The following SOX6 variants were observed in gnomAD, a reference collection of about 807,000 sequenced individuals.
The protein encoded by SOX6 is transcription factor SOX-6.
SOX6 carries 11 observed loss-of-function variants against 97.8 expected under a neutral mutation model. The observed-to-expected ratio is 0.11, with a 90% confidence interval of 0.07 to 0.19. The LOEUF (loss-of-function observed/expected upper bound fraction) is 0.19, where lower values mean the gene tolerates loss of function less well. Ranked by LOEUF, SOX6 falls within the 10% of genes least tolerant of loss-of-function variation. SOX6 has a pLI of 1.00. For synonymous variants in SOX6, 360 were observed against 371.4 expected (o/e 0.97, Z 0.35); for missense variants, 810 against 1,039.5 (o/e 0.78, Z 3.04).
intron 1 of SOX6, among the ~76,000 whole-genome samples, chr11:16,463,609 G>A (rs1156797876): frequency 6.6e-6 from 1 of 152,024 alleles, no homozygotes; most frequent in African/African-American, 2.4e-5. Flanking sequence ...ACTGTTTTTT[G>A]GTTAACTTCT....
chr11:16,630,480 A>T (rs1454903113), intron 3 of SOX6, among the ~76,000 whole-genome samples: 2 of 150,766 alleles, frequency 1.3e-5, no homozygotes, highest in Non-Finnish European at 3.0e-5. Flanking sequence ...GATTTTTTTT[A>T]ATTTATTGAG....
At chr11:16,412,459 A>C (rs1021835727) in intron 1 of SOX6, among the ~76,000 whole-genome samples, 1 of 152,184 alleles carries the variant, frequency 6.6e-6, no homozygotes, top group Admixed American at 6.5e-5. Context: ...ACCAACTCAA[A>C]GTAGCTTTTT....
At chr11:16,426,390 T>G (rs2133070511) in intron 1 of SOX6, among the ~76,000 whole-genome samples, 2 of 148,788 alleles carry the variant, frequency 1.3e-5, no homozygotes, top group African/African-American at 5.0e-5. Context: ...AGTATCATGC[T>G]ACCCATCTTC....
intron 7 of SOX6, among the ~76,000 whole-genome samples, chr11:16,103,264 A>G (rs1169409478): frequency 6.6e-6 from 1 of 152,018 alleles, no homozygotes; most frequent in Non-Finnish European, 1.5e-5. Context: ...CAATGATCAT[A>G]TAAAAAAAAG....
At chr11:16,738,176 C>A (rs1215874265) in intron 1 of SOX6, among the ~76,000 whole-genome samples, 1 of 152,016 alleles carries the variant, frequency 6.6e-6, no homozygotes, top group African/African-American at 2.4e-5. Flanking sequence ...GCAGCATCAC[C>A]GACCACCTAG....
chr11:16,247,147 G>A (rs1217762379), intron 3 of SOX6, among the ~76,000 whole-genome samples: 1 of 152,150 alleles, frequency 6.6e-6, no homozygotes, highest in Non-Finnish European at 1.5e-5. Flanking sequence ...ACATATGAGT[G>A]AGAATATGTC....
chr11:16,418,497 A>C lies in SOX6; in HGVS notation c.-5+57818T>G, dbSNP rs1344965530. Among the ~76,000 whole-genome samples, 3 of 152,194 alleles carry C rather than the reference A, an allele frequency of 2.0e-5. No homozygotes were observed. The East Asian group carries it at 5.8e-4, about 29-fold the overall frequency. Reference sequence around the variant, plus strand: ...TTCTACTGTCAAGGCAGAATATAACAATTAGCCTTAAAAAAAGTGCATCTG... The same window carrying C: ...TTCTACTGTCAAGGCAGAATATAACCATTAGCCTTAAAAAAAGTGCATCTG... On this transcript the variant is annotated intron_variant, in intron 1 of 15. Transcript: ENST00000396356.
intron 4 of SOX6, among the ~76,000 whole-genome samples, chr11:16,518,736 A>G (rs1565169777): frequency 2.0e-5 from 3 of 152,198 alleles, no homozygotes; most frequent in Admixed American, 6.5e-5. Context: ...ATCATATTTT[A>G]TATCTTGTCT....
In SOX6 at chr11:15,967,569, C is replaced by CTAAG. The variant is rs1403495576; in HGVS notation, c.*5236_*5239dup. The CTAAG allele has an allele frequency of 6.6e-6, 1 of 152,088 alleles. No individual in the cohort carries two copies. Among genetic ancestry groups the CTAAG allele is most frequent in the Non-Finnish European group, 1.5e-5 (1 of 68,012 alleles). 9.4% of individuals were successfully genotyped at this position (152,088 alleles called of 1,614,324 possible). A position where few individuals can be genotyped will look rare whatever the true frequency, so the allele number is the denominator to read the frequency against. Reference sequence around the variant, plus strand: ...ATACAATAATGAATGAACATAAATGCTAAGCATTCTAATTTGCTACAAGCT... The same window carrying CTAAG: ...ATACAATAATGAATGAACATAAATGCTAAGTAAGCATTCTAATTTGCTACAAGCT... On this transcript the variant is annotated 3_prime_UTR_variant, in exon 16 of 16. Transcript: ENST00000683767.
intron 4 of SOX6, among the ~76,000 whole-genome samples, chr11:16,487,338 A>G (rs538493977): frequency 6.6e-6 from 1 of 152,306 alleles, no homozygotes; most frequent in Admixed American, 6.5e-5. Context: ...AATATTTCTG[A>G]GAGCCCACAG....
chr11:16,693,273 T>C (rs966676084), intron 3 of SOX6, among the ~76,000 whole-genome samples: 4 of 152,160 alleles, frequency 2.6e-5, no homozygotes, highest in Non-Finnish European at 5.9e-5. Flanking sequence ...ACCCAACAAA[T>C]AGTATTTCTT....
At chr11:16,388,957 C>T (rs764460497) in intron 1 of SOX6, among the ~76,000 whole-genome samples, 3 of 152,126 alleles carry the variant, frequency 2.0e-5, no homozygotes, top group Non-Finnish European at 2.9e-5. Flanking sequence ...TTTTTCCCTG[C>T]CCCAACATCA....
intron 1 of SOX6, among the ~76,000 whole-genome samples, chr11:16,371,702 T>C (rs1857498237): frequency 6.6e-6 from 1 of 152,172 alleles, no homozygotes; most frequent in African/African-American, 2.4e-5. Context: ...ATAAATACTA[T>C]CTTGCCTTCA....
intron 1 of SOX6, among the ~76,000 whole-genome samples, chr11:16,424,010 A>C (rs1484209927): frequency 6.6e-6 from 1 of 152,214 alleles, no homozygotes; most frequent in Non-Finnish European, 1.5e-5. Flanking sequence ...TACTACAGAA[A>C]GTGAGAAGAG....
chr11:16,323,817 G>A (rs539667195), intron 2 of SOX6, among the ~76,000 whole-genome samples: 1 of 151,968 alleles, frequency 6.6e-6, no homozygotes, highest in South Asian at 2.1e-4. Context: ...TCTTCCATAG[G>A]CTTCCAGAGC....
chr11:16,514,413 G>T (rs1481121718), intron 4 of SOX6, among the ~76,000 whole-genome samples: 5 of 152,118 alleles, frequency 3.3e-5, no homozygotes, highest in African/African-American at 1.2e-4. Context: ...CTAGCCCAAA[G>T]AAGTGCATGA....
chr11:16,173,135 T>C (rs1182051870), intron 6 of SOX6, among the ~76,000 whole-genome samples: 4 of 151,956 alleles, frequency 2.6e-5, no homozygotes, highest in Non-Finnish European at 5.9e-5. Flanking sequence ...ACTGAAAGCA[T>C]TGGCAAGATC....
At chr11:16,391,583 T>C (rs550644074) in intron 1 of SOX6, among the ~76,000 whole-genome samples, 9 of 151,938 alleles carry the variant, frequency 5.9e-5, no homozygotes, top group African/African-American at 2.2e-4. Flanking sequence ...CCTCAGCCAG[T>C]CATTAAAGAA....
At chr11:16,450,495 T>C (rs1442389466) in intron 1 of SOX6, among the ~76,000 whole-genome samples, 1 of 152,248 alleles carries the variant, frequency 6.6e-6, no homozygotes, top group Admixed American at 6.5e-5. Flanking sequence ...ATTTGGATGC[T>C]GCCTTTAAAA....
Sources: gnomAD v4.1 joint callset for allele counts (sites outside exome capture counted in the v4.1 genomes callset) on GRCh38, gnomAD v4.1.1 for gene constraint, MANE v1.5 for transcripts, NCBI Gene and HGNC (gene_info 2026-07-23, HGNC 2026-07-21) for gene names.